GPM6B: variants seen among roughly 807,000 people sequenced by gnomAD.
The protein encoded by GPM6B is neuronal membrane glycoprotein M6-b.
In GPM6B, 4 loss-of-function variants were observed where a neutral mutation model predicts 27.2. That is an observed-to-expected ratio of 0.15 (90% CI 0.07 to 0.34). The LOEUF is 0.34. GPM6B is among the 10% of genes least tolerant of loss of function. The pLI, the probability that GPM6B is intolerant of heterozygous loss-of-function variation, is 1.00. For synonymous variants in GPM6B, 124 were observed against 103.1 expected (o/e 1.20, Z -1.23); for missense variants, 183 against 261.9 (o/e 0.70, Z 2.08).
intron 1 of GPM6B, among the ~76,000 whole-genome samples, chrX:13,871,053 C>T (rs1296624695): frequency 9.5e-6 from 1 of 105,156 alleles, no homozygotes; most frequent in East Asian, 3.2e-4. Context: ...GGTGACAGAG[C>T]GAGACCCTAT....
intron 1 of GPM6B, among the ~76,000 whole-genome samples, chrX:13,815,951 C>T (rs2049226798): frequency 8.9e-6 from 1 of 111,843 alleles, no homozygotes; most frequent in African/African-American, 3.3e-5. Context: ...ACTGCGGTTA[C>T]AGAATATGTT....
At chrX:13,926,054 C>CAAAAAAAAAAAAA (rs772441542) in intron 1 of GPM6B, among the ~76,000 whole-genome samples, 4 of 99,185 alleles carry the variant, frequency 4.0e-5, no homozygotes, top group African/African-American at 1.5e-4. Flanking sequence ...GACTCCATCT[C>CAAAAAAAAAAAAA]AAAAAAAAAA....
intron 1 of GPM6B, among the ~76,000 whole-genome samples, chrX:13,893,183 G>A (rs1053364038): frequency 9.0e-6 from 1 of 111,702 alleles, no homozygotes; most frequent in Admixed American, 9.5e-5. Context: ...TTACATACCT[G>A]AATTGGCAGT....
chrX:13,835,524 G>T (rs1017840875), intron 1 of GPM6B, among the ~76,000 whole-genome samples: 4 of 111,722 alleles, frequency 3.6e-5, no homozygotes, highest in Non-Finnish European at 7.5e-5. Flanking sequence ...CTCTACAATG[G>T]GAGCAAGTTT....
At chrX:13,837,244 C>T (rs766956293) in intron 1 of GPM6B, among the ~76,000 whole-genome samples, 1 of 111,929 alleles carries the variant, frequency 8.9e-6, no homozygotes, top group South Asian at 3.7e-4. Context: ...AAAGTTGTTA[C>T]TGCCATGTCA....
rs186444833 is a variant in GPM6B, at chrX:13,831,444, T to C, written c.-197-45636A>G. The stretch of plus-strand genomic sequence containing the variant: ...AGCTTGTCCTGGCTCTAAGATACGC[T>C]AGGTCTTAAGTGACCAGTTCAGCAG... On this transcript the variant is annotated intron_variant, in intron 1 of 6. Transcript: ENST00000398361. 3.9e-3 allele frequency among the ~76,000 whole-genome samples: 431 copies of C among 110,984 alleles called. 2 individuals are homozygous for C. The highest frequency in any genetic ancestry group is 0.014 in the African/African-American group (414 of 30,471).
chrX:13,792,667 C>T (rs2048735128), intron 2 of GPM6B, among the ~76,000 whole-genome samples: 1 of 111,674 alleles, frequency 9.0e-6, no homozygotes, highest in Non-Finnish European at 1.9e-5. Context: ...TTTGGGAGAC[C>T]AGGGCAGGCA....
At chrX:13,789,959 C>A (rs2147139828) in intron 2 of GPM6B, among the ~76,000 whole-genome samples, 1 of 111,970 alleles carries the variant, frequency 8.9e-6, no homozygotes, top group African/African-American at 3.2e-5. Flanking sequence ...GATCCTCCCA[C>A]CTCAGCCTCC....
intron 6 of GPM6B, 53 bp downstream of exon 6, chrX:13,777,299 C>A (rs367662098): frequency 3.9e-5 from 34 of 867,759 alleles, no homozygotes; most frequent in African/African-American, 3.2e-4. Context: ...CTGGGAGAAC[C>A]CTTTTTTCTC....
rs2048288073 is a variant in GPM6B at position 13,771,102 on chromosome X, TATTG to T, written c.*1775_*1778del. 1 of 112,493 alleles carries T rather than the reference TATTG, an allele frequency of 8.9e-6. No individual in the cohort carries two copies. The highest frequency in any genetic ancestry group is 9.4e-5 in the Admixed American group (1 of 10,603). The allele number at this position is 112,493 out of a possible 1,213,427, so 9.3% of individuals were successfully genotyped here. On this transcript the variant is annotated 3_prime_UTR_variant, in exon 8 of 8. Coordinates refer to ENST00000316715, the MANE Select transcript of GPM6B (RefSeq NM_001001995.3). Reference sequence around the variant, plus strand: ...GGAAGCCCTTGGCACTGATAGAAAATATTGATTCACTGTTAGGTTACAAAAATTT... The same window carrying T: ...GGAAGCCCTTGGCACTGATAGAAAATATTCACTGTTAGGTTACAAAAATTT...
chrX:13,881,311 A>G (rs1272931074), intron 1 of GPM6B, among the ~76,000 whole-genome samples: 1 of 112,038 alleles, frequency 8.9e-6, no homozygotes, highest in Admixed American at 9.4e-5. Flanking sequence ...GGAGCTCGAG[A>G]CCAGCCTGGG....
chrX:13,798,391 G>A (rs1403022380), intron 2 of GPM6B, among the ~76,000 whole-genome samples: 1 of 108,667 alleles, frequency 9.2e-6, no homozygotes, highest in African/African-American at 3.4e-5. Flanking sequence ...CAGTGAGGGG[G>A]AAGGAAAATA....
intron 1 of GPM6B, among the ~76,000 whole-genome samples, chrX:13,934,346 C>T (rs927560036): frequency 9.0e-6 from 1 of 111,508 alleles, no homozygotes; most frequent in African/African-American, 3.3e-5. Context: ...TCCTTTTTGT[C>T]TCCCACTGCA....
At chrX:13,931,348 C>T (rs916063296) in intron 1 of GPM6B, among the ~76,000 whole-genome samples, 18 of 109,392 alleles carry the variant, frequency 1.6e-4, no homozygotes, top group South Asian at 4.0e-4. Flanking sequence ...ATTAGCCGGG[C>T]ATGGTGGTGG....
At chrX:13,921,581 C>CCT (rs1555932309) in intron 1 of GPM6B, among the ~76,000 whole-genome samples, 1,944 of 92,765 alleles carry the variant, frequency 0.021, 60 homozygotes, top group African/African-American at 0.072. Context: ...AACCCCCCCC[C>CCT]TTTTTTTTTT....
At position 13,923,618 on chromosome X, in the gene GPM6B, G is replaced by A. The variant is rs1921029731; in HGVS notation, c.-198+14709C>T. ...TGTCTTAGGGAAACTAGGTAATCTT[G>A]AATTGACCAAGGAAATTTCATTATC... On this transcript the variant is annotated intron_variant, in intron 1 of 6. Coordinates refer to the GPM6B transcript ENST00000398361. 2.7e-5 allele frequency among the ~76,000 whole-genome samples: 3 copies of A among 112,373 alleles called. No individual in the cohort carries two copies. In the Admixed American group the frequency reaches 2.8e-4, roughly 11 times the overall value.
chrX:13,877,671 T>C (rs900723096), intron 1 of GPM6B, among the ~76,000 whole-genome samples: 1 of 106,113 alleles, frequency 9.4e-6, no homozygotes, highest in Non-Finnish European at 1.9e-5. Context: ...AAAAAACCCC[T>C]GAAAATTAGC....
At chrX:13,879,757 G>C (rs2050075116) in intron 1 of GPM6B, among the ~76,000 whole-genome samples, 1 of 111,843 alleles carries the variant, frequency 8.9e-6, no homozygotes, top group African/African-American at 3.3e-5. Flanking sequence ...CAAAAAACAG[G>C]GATTCCCCAA....
At chrX:13,881,341 C>A (rs2050095401) in intron 1 of GPM6B, among the ~76,000 whole-genome samples, 1 of 111,700 alleles carries the variant, frequency 9.0e-6, no homozygotes, top group Non-Finnish European at 1.9e-5. Context: ...GAGACCCCAT[C>A]TCTACAAAAT....
Sources: gnomAD v4.1 joint callset for allele counts (sites outside exome capture counted in the v4.1 genomes callset) on GRCh38, gnomAD v4.1.1 for gene constraint, MANE v1.5 for transcripts, NCBI Gene and HGNC (gene_info 2026-07-23, HGNC 2026-07-21) for gene names.